Variants in RPF2 observed in about 807,000 individuals in gnomAD.
RPF2 encodes ribosome production factor 2 homolog.
RPF2 carries 21 observed loss-of-function variants against 38.9 expected under a neutral mutation model. That is an observed-to-expected ratio of 0.54 (90% CI 0.38 to 0.78). The LOEUF (loss-of-function observed/expected upper bound fraction) is 0.78, where lower values mean the gene tolerates loss of function less well. Among genes scored for constraint, RPF2 ranks in the 30% least tolerant of loss-of-function variants. The probability of loss-of-function intolerance (pLI) is 0.00; values close to 1 mark genes in which losing one functional copy is unlikely to be tolerated. For synonymous variants in RPF2, 121 were observed against 126.2 expected, an observed-to-expected ratio of 0.96 and a Z score of 0.28; for missense variants, 314 against 358.1, an observed-to-expected ratio of 0.88 and a Z score of 0.99.
chr6:111,025,614 T>A lies in RPF2; in HGVS notation c.*32T>A, dbSNP rs758698420. The A allele has an allele frequency of 2.0e-6, 3 of 1,527,052 alleles. No individual in the cohort carries two copies. In the Admixed American group the frequency reaches 5.7e-5, roughly 29 times the overall value. 94.6% of individuals were successfully genotyped at this position (1,527,052 alleles called of 1,614,324 possible). A position where few individuals can be genotyped will look rare whatever the true frequency, so the allele number is the denominator to read the frequency against. On this transcript the variant is annotated 3_prime_UTR_variant, in exon 10 of 10. Transcript: ENST00000441448. ...TTAGCCAGCCACTACTGTTTCATTG[T>A]GTTCTACTTAAGAGAATTATCAAGC...
At chr6:111,012,570 G>A (rs1772038568) in intron 7 of RPF2, among the ~76,000 whole-genome samples, 1 of 152,172 alleles carries the variant, frequency 6.6e-6, no homozygotes, top group Non-Finnish European at 1.5e-5. Context: ...TGAGAAAACT[G>A]AGGCCTGGAC....
intron 1 of RPF2, 69 bp downstream of exon 1, chr6:110,982,198 TCTCGGC>T (rs1771443788): frequency 6.5e-7 from 1 of 1,535,716 alleles, no homozygotes; most frequent in Non-Finnish European, 9.0e-7. Flanking sequence ...GGTGGTACTG[TCTCGGC>T]CTCTCACTCT....
At chr6:110,990,466 A>T (rs1311529458) in intron 3 of RPF2, among the ~76,000 whole-genome samples, 1 of 151,948 alleles carries the variant, frequency 6.6e-6, no homozygotes, top group Non-Finnish European at 1.5e-5. Context: ...CAAGAACACT[A>T]CAAAAATGTT....
intron 7 of RPF2, among the ~76,000 whole-genome samples, chr6:111,014,595 A>G (rs1772075794): frequency 6.6e-6 from 1 of 152,220 alleles, no homozygotes; most frequent in Non-Finnish European, 1.5e-5. Flanking sequence ...CCCACTTACT[A>G]CATCACCTGC....
At chr6:110,984,869 A>C (rs1461819399) in intron 1 of RPF2, 137 bp from the exon 2 acceptor site, 3 of 994,496 alleles carry the variant, frequency 3.0e-6, no homozygotes, top group Non-Finnish European at 4.4e-6. Flanking sequence ...CAAACAAAAA[A>C]AAGAAAGTGA....
intron 7 of RPF2, among the ~76,000 whole-genome samples, chr6:111,010,140 T>C (rs1771987587): frequency 1.4e-5 from 2 of 146,540 alleles, no homozygotes; most frequent in Non-Finnish European, 1.5e-5. Context: ...TTTTTTTTTT[T>C]CTTTTTAGAC....
At chr6:111,018,214 G>A (rs145630923) in intron 8 of RPF2, among the ~76,000 whole-genome samples, 2,601 of 145,422 alleles carry the variant, frequency 0.018, 92 homozygotes, top group African/African-American at 0.068. Flanking sequence ...AGGGGGAGGG[G>A]GAGGGAGAGG....
intron 2 of RPF2, among the ~76,000 whole-genome samples, chr6:110,987,257 C>T (rs60957931): frequency 0.25 from 37,508 of 151,710 alleles, 5,360 homozygotes; most frequent in East Asian, 0.65. Flanking sequence ...CAGGGTTTCA[C>T]CATGTTGGCC....
intron 3 of RPF2, among the ~76,000 whole-genome samples, chr6:110,990,569 C>CT (rs1771602516): frequency 7.4e-6 from 1 of 135,022 alleles, no homozygotes; most frequent in South Asian, 2.7e-4. Flanking sequence ...ACCCCCCCCC[C>CT]CCCCACCTTT....
chr6:110,983,791 T>C (rs1273358662), intron 1 of RPF2, among the ~76,000 whole-genome samples: 1 of 139,840 alleles, frequency 7.2e-6, no homozygotes, highest in Non-Finnish European at 1.5e-5. Context: ...TTTGGGAGGC[T>C]GAGGCGGGGG....
chr6:110,986,421 G>A (rs1318318568), intron 2 of RPF2, among the ~76,000 whole-genome samples: 2 of 152,168 alleles, frequency 1.3e-5, no homozygotes, highest in Non-Finnish European at 2.9e-5. Flanking sequence ...AGAAGAGTTG[G>A]GAACTAGTGA....
At chr6:111,020,530 TAAAAC>T (rs1197960975) in intron 8 of RPF2, among the ~76,000 whole-genome samples, 3 of 151,934 alleles carry the variant, frequency 2.0e-5, no homozygotes, top group African/African-American at 4.8e-5. Flanking sequence ...ACAGAGAAAA[TAAAAC>T]AAAATAGAGA....
chr6:110,985,424 T>A (rs1215283940), intron 2 of RPF2, among the ~76,000 whole-genome samples: 1 of 152,214 alleles, frequency 6.6e-6, no homozygotes, highest in Non-Finnish European at 1.5e-5. Context: ...TTACTAGAAT[T>A]TGGCTTACTT....
At chr6:111,018,152 A>C (rs1290345341) in intron 8 of RPF2, among the ~76,000 whole-genome samples, 1 of 138,382 alleles carries the variant, frequency 7.2e-6, no homozygotes, top group Non-Finnish European at 1.5e-5. Context: ...CAGTGAGCGG[A>C]GATGGCAGCA....
intron 3 of RPF2, among the ~76,000 whole-genome samples, chr6:110,989,681 A>G (rs2114295390): frequency 6.8e-6 from 1 of 146,570 alleles, no homozygotes; most frequent in East Asian, 2.0e-4. Context: ...GCTGGAGTGC[A>G]GTGGCATGAT....
Position 111,025,398 on chromosome 6 carries a change from C to G in RPF2, c.742-5C>G. Reference sequence around the variant, plus strand: ...ATTAAATATATACATATTCTTTTATCGTAGCCAAAGAAGAAGAAAAATATT... The same window carrying G: ...ATTAAATATATACATATTCTTTTATGGTAGCCAAAGAAGAAGAAAAATATT... On this transcript the variant is annotated splice_polypyrimidine_tract_variant and splice_region_variant and intron_variant, in intron 9 of 9. Coordinates refer to ENST00000441448, the MANE Select transcript of RPF2 (RefSeq NM_032194.3). 6.3e-7 allele frequency: 1 copy of G among 1,578,508 alleles called. No homozygotes were observed. The highest frequency in any genetic ancestry group is 8.7e-7 in the Non-Finnish European group (1 of 1,154,348).
Position 111,024,331 on chromosome 6 carries a change from T to C in RPF2, c.741+4T>C. 3 of 1,598,132 alleles carry C rather than the reference T, an allele frequency of 1.9e-6. No homozygotes were observed. Among genetic ancestry groups the C allele is most frequent in the South Asian group, 1.1e-5 (1 of 87,870 alleles). On this transcript the variant is annotated splice_donor_region_variant and intron_variant, in intron 9 of 9. Transcript: ENST00000441448. ...GAAAATGCCAAAAGCTCTCAAGGTA[T>C]ATAACTTAGAGCTTGGTACCACATT...
At chr6:111,021,572 G>A (rs1289194803) in intron 8 of RPF2, among the ~76,000 whole-genome samples, 1 of 152,172 alleles carries the variant, frequency 6.6e-6, no homozygotes. Context: ...GCTCAGCCAC[G>A]TGACATGGGC....
intron 4 of RPF2, 30 bp from the exon 5 acceptor site, chr6:110,997,153 G>A (rs778994091): frequency 2.3e-6 from 3 of 1,329,246 alleles, no homozygotes; most frequent in Non-Finnish European, 3.2e-6. Flanking sequence ...ATTTATGCAT[G>A]GACTAAATGG....
Sources: gnomAD v4.1 joint callset for allele counts (sites outside exome capture counted in the v4.1 genomes callset) on GRCh38, gnomAD v4.1.1 for gene constraint, MANE v1.5 for transcripts, NCBI Gene and HGNC (gene_info 2026-07-23, HGNC 2026-07-21) for gene names.